HDAC8: variants seen among roughly 807,000 people sequenced by gnomAD.
HDAC8 encodes histone deacetylase-like 1.
A neutral mutation model predicts 32.2 loss-of-function variants in HDAC8; 1 was observed. The ratio of observed to expected loss-of-function variants is 0.03; its 90% CI spans 0.01 to 0.15. HDAC8 has a LOEUF of 0.15. Among genes scored for constraint, HDAC8 ranks in the 10% least tolerant of loss-of-function variants. The pLI is 1.00. For synonymous variants in HDAC8, 108 were observed against 113.9 expected, an observed-to-expected ratio of 0.95 and a Z score of 0.33; for missense variants, 117 against 300.0, an observed-to-expected ratio of 0.39 and a Z score of 4.51.
intron 9 of HDAC8, among the ~76,000 whole-genome samples, chrX:72,395,568 A>G (rs1419642355): frequency 1.8e-5 from 2 of 112,332 alleles, no homozygotes; most frequent in Non-Finnish European, 3.8e-5. Context: ...GCACAGGGAA[A>G]ATGCAGAGGT....
intron 4 of HDAC8, among the ~76,000 whole-genome samples, chrX:72,498,065 G>A (rs1556014182): frequency 9.2e-6 from 1 of 109,079 alleles, no homozygotes; most frequent in Non-Finnish European, 1.9e-5. Context: ...GAGGTGGCTG[G>A]CTAAGGTTTG....
Position 72,476,187 on chromosome X carries a change from G to A in HDAC8, c.738-11456C>T, listed in dbSNP as rs1282442625. 3.6e-5 allele frequency among the ~76,000 whole-genome samples: 4 copies of A among 110,818 alleles called. No individual in the cohort carries two copies. In the South Asian group the frequency reaches 1.2e-3, roughly 32 times the overall value. On this transcript the variant is annotated intron_variant, in intron 7 of 10. Transcript: ENST00000373573. ...CCTTACCAGTGGCCTGAAGTGAATC[G>A]TCAGAGCTAGAATTAGAACACTAAT...
In HDAC8 at chrX:72,530,392, T is replaced by C. The variant is rs1569375538; in HGVS notation, c.438-35124A>G. Among the ~76,000 whole-genome samples, 3 of 110,502 alleles carry C rather than the reference T, an allele frequency of 2.7e-5. No individual in the cohort carries two copies. The South Asian group carries it at 1.1e-3, about 42-fold the overall frequency. ...TAGCTTCCTTCTCACTGAATTCTGA[T>C]AGCAATTATAATCTGTCTTAAATTG... On this transcript the variant is annotated intron_variant, in intron 4 of 10. Coordinates refer to ENST00000373573, the MANE Select transcript of HDAC8 (RefSeq NM_018486.3).
intron 4 of HDAC8, among the ~76,000 whole-genome samples, chrX:72,536,192 A>G (rs1169885805): frequency 1.8e-5 from 2 of 112,206 alleles, no homozygotes; most frequent in Non-Finnish European, 3.8e-5. Flanking sequence ...TGGCTTTTAC[A>G]GATCAAGCTG....
chrX:72,519,483 T>C (rs1292628143), intron 4 of HDAC8, among the ~76,000 whole-genome samples: 1 of 112,611 alleles, frequency 8.9e-6, no homozygotes, highest in Non-Finnish European at 1.9e-5. Context: ...TCTTTTTGAT[T>C]ACAGCTATTC....
At chrX:72,390,256 T>G (rs781939307) in intron 9 of HDAC8, among the ~76,000 whole-genome samples, 8 of 111,975 alleles carry the variant, frequency 7.1e-5, no homozygotes, top group Non-Finnish European at 1.5e-4. Flanking sequence ...TTGGCTAATT[T>G]GATAGCCAGA....
intron 10 of HDAC8, among the ~76,000 whole-genome samples, chrX:72,342,854 T>C (rs1324758364): frequency 9.0e-6 from 1 of 111,228 alleles, no homozygotes; most frequent in Non-Finnish European, 1.9e-5. Context: ...GCTAATTAAC[T>C]CCCCTAGGCC....
At chrX:72,554,523 G>GAGCGCGGGT (rs1218258132) in intron 4 of HDAC8, among the ~76,000 whole-genome samples, 9 of 106,138 alleles carry the variant, frequency 8.5e-5, no homozygotes, top group Admixed American at 3.0e-4. Flanking sequence ...GGAGGGCGGG[G>GAGCGCGGGT]AGCGCGGGGA....
chrX:72,446,391 T>G (rs1555984819), intron 9 of HDAC8, among the ~76,000 whole-genome samples: 1 of 111,028 alleles, frequency 9.0e-6, no homozygotes, highest in Non-Finnish European at 1.9e-5. Flanking sequence ...TGTAGGGACA[T>G]GGATGAAATT....
intron 7 of HDAC8, among the ~76,000 whole-genome samples, chrX:72,486,863 C>A (rs1296178689): frequency 8.9e-6 from 1 of 111,858 alleles, no homozygotes; most frequent in Non-Finnish European, 1.9e-5. Flanking sequence ...CAGGAAGCCT[C>A]CTTGGTACCC....
intron 9 of HDAC8, among the ~76,000 whole-genome samples, chrX:72,374,598 G>C (rs1265463327): frequency 1.8e-5 from 2 of 110,176 alleles, no homozygotes; most frequent in African/African-American, 3.3e-5. Context: ...CTTGAGCCCG[G>C]GAGGCAGAGG....
At chrX:72,442,355 G>A (rs1309155092) in intron 9 of HDAC8, among the ~76,000 whole-genome samples, 1 of 111,796 alleles carries the variant, frequency 8.9e-6, no homozygotes, top group Non-Finnish European at 1.9e-5. Flanking sequence ...AACTCTACAA[G>A]CCAGAAGAGA....
In HDAC8 at chrX:72,464,624, A is replaced by G; in HGVS notation, c.845T>C (p.Val282Ala). Residue 282 changes from valine to alanine, a missense_variant, in exon 8 of 11, where the codon GTG (valine) becomes GCG (alanine). Val to Ala is a moderately conservative substitution (Grantham distance 64). This residue lies in a region of HDAC8 where 57 missense variants were observed against 182.0 expected (regional missense o/e 0.31). Coordinates refer to ENST00000373573, the MANE Select transcript of HDAC8 (RefSeq NM_018486.3). ...DPMCSFNMTP[V>A]GIGKCLKYIL... is the part of the protein sequence containing the mutation. ...GTACTTAAGACACTTGCCAATTCCCACTGGAGTCATGTTAAAGGAGCACAT... is the reference window on the plus strand; with the variant it reads ...GTACTTAAGACACTTGCCAATTCCCGCTGGAGTCATGTTAAAGGAGCACAT... 8.3e-7 allele frequency: 1 copy of G among 1,207,170 alleles called. No individual in the cohort carries two copies. Among genetic ancestry groups the G allele is most frequent in the Admixed American group, 2.2e-5 (1 of 46,013 alleles).
chrX:72,522,658 T>C (rs1413995712), intron 4 of HDAC8, among the ~76,000 whole-genome samples: 1 of 112,318 alleles, frequency 8.9e-6, no homozygotes, highest in Non-Finnish European at 1.9e-5. Context: ...AGTATTTATA[T>C]TACTAAAATT....
intron 4 of HDAC8, among the ~76,000 whole-genome samples, chrX:72,523,135 G>T (rs935813716): frequency 4.4e-4 from 49 of 112,049 alleles, no homozygotes; most frequent in African/African-American, 1.4e-3. Context: ...AAGTAAAATT[G>T]CTGTCTCACA....
intron 4 of HDAC8, among the ~76,000 whole-genome samples, chrX:72,503,866 C>T (rs1328716568): frequency 5.4e-5 from 6 of 112,056 alleles, no homozygotes; most frequent in African/African-American, 1.9e-4. Context: ...TAGCCTGGTA[C>T]CTGACTTACA....
chrX:72,502,763 A>G (rs1478344051), intron 4 of HDAC8, among the ~76,000 whole-genome samples: 1 of 109,690 alleles, frequency 9.1e-6, no homozygotes, highest in Non-Finnish European at 1.9e-5. Context: ...TCTACTAAAA[A>G]TACGAAAAAA....
chrX:72,523,604 C>T (rs1234583226), intron 4 of HDAC8, among the ~76,000 whole-genome samples: 8 of 111,462 alleles, frequency 7.2e-5, no homozygotes, highest in Admixed American at 9.6e-5. Flanking sequence ...CTCTTCTCTT[C>T]AGCTCTACCC....
At position 72,490,243 on chromosome X, in the gene HDAC8, C is replaced by T. The variant is rs1360641743; in HGVS notation, c.628+686G>A. Among the ~76,000 whole-genome samples the T allele has an allele frequency of 8.1e-5, 9 of 110,504 alleles. No homozygotes were observed. In the Admixed American group the frequency reaches 8.7e-4, roughly 11 times the overall value. ...AGAAATACCATTTGACCCAGCCATC[C>T]CATTACTGGGTATATACCCAAAGGA... On this transcript the variant is annotated intron_variant, in intron 6 of 10. Coordinates refer to ENST00000373573, the MANE Select transcript of HDAC8 (RefSeq NM_018486.3).
Sources: allele counts gnomAD v4.1 joint callset (sites outside exome capture counted in the v4.1 genomes callset), GRCh38; gene constraint gnomAD v4.1.1; regional missense constraint gnomAD v4.1.1; transcripts MANE v1.5; gene names NCBI Gene and HGNC (gene_info 2026-07-23, HGNC 2026-07-21).